KCNK2: variants seen among roughly 807,000 people sequenced by gnomAD.
KCNK2 encodes the protein potassium two pore domain channel subfamily K member 2, also known as potassium channel subfamily K member 2.
In KCNK2, 21 loss-of-function variants were observed where a neutral mutation model predicts 40.5. The ratio of observed to expected loss-of-function variants is 0.52; its 90% CI spans 0.37 to 0.75. The LOEUF (loss-of-function observed/expected upper bound fraction) is 0.75, where lower values mean the gene tolerates loss of function less well. Ranked by LOEUF, KCNK2 falls within the 30% of genes least tolerant of loss-of-function variation. The pLI, the probability that KCNK2 is intolerant of heterozygous loss-of-function variation, is 0.00. For synonymous variants in KCNK2, 191 were observed against 202.2 expected (o/e 0.94, Z 0.47); for missense variants, 399 against 531.6 (o/e 0.75, Z 2.45).
At chr1:215,152,982 A>C (rs1198063517) in intron 3 of KCNK2, among the ~76,000 whole-genome samples, 1 of 152,174 alleles carries the variant, frequency 6.6e-6, no homozygotes, top group Non-Finnish European at 1.5e-5. Context: ...TGGCTAAGAG[A>C]TTCAAGATTT....
At position 215,236,022 on chromosome 1, in the gene KCNK2, C is replaced by T. The variant is rs1666867421; in HGVS notation, c.*877C>T. The T allele has an allele frequency of 7.8e-6, 1 of 128,646 alleles. No homozygotes were observed. Among genetic ancestry groups the T allele is most frequent in the South Asian group, 2.4e-4 (1 of 4,254 alleles). 8.0% of individuals were successfully genotyped at this position (128,646 alleles called of 1,614,324 possible). Reference sequence around the variant, plus strand: ...AATTTATCATTTATTAATAACTATACATTTTTAAAGGCAGAAGAAGAAAAT... The same window carrying T: ...AATTTATCATTTATTAATAACTATATATTTTTAAAGGCAGAAGAAGAAAAT... On this transcript the variant is annotated 3_prime_UTR_variant, in exon 7 of 7. Coordinates refer to ENST00000444842, the MANE Select transcript of KCNK2 (RefSeq NM_001017425.3).
intron 2 of KCNK2, among the ~76,000 whole-genome samples, chr1:215,102,976 T>C (rs2102552908): frequency 6.6e-6 from 1 of 152,090 alleles, no homozygotes. Flanking sequence ...TGCAGTGGCC[T>C]GTTAGAGGGA....
chr1:215,047,692 A>G (rs1277115224), intron 1 of KCNK2, among the ~76,000 whole-genome samples: 2 of 152,158 alleles, frequency 1.3e-5, no homozygotes, highest in Non-Finnish European at 1.5e-5. Flanking sequence ...TACTTTTTAC[A>G]TGTTAGAGTA....
At chr1:215,036,068 G>A (rs2102489175) in intron 1 of KCNK2, among the ~76,000 whole-genome samples, 1 of 150,280 alleles carries the variant, frequency 6.7e-6, no homozygotes, top group Non-Finnish European at 1.5e-5. Flanking sequence ...TTTATGGTTA[G>A]TGCTCTCTGT....
At chr1:215,212,591 A>G (rs910853635) in intron 6 of KCNK2, among the ~76,000 whole-genome samples, 1 of 152,184 alleles carries the variant, frequency 6.6e-6, no homozygotes, top group Non-Finnish European at 1.5e-5. Context: ...TTAATTCACT[A>G]TGGTTCTCTA....
At chr1:215,129,815 A>G (rs1192653060) in intron 3 of KCNK2, among the ~76,000 whole-genome samples, 3 of 152,222 alleles carry the variant, frequency 2.0e-5, no homozygotes, top group Admixed American at 1.3e-4. Context: ...AGATTTAAGC[A>G]AAAGACAAAC....
chr1:215,045,472 G>A (rs1657735001), intron 1 of KCNK2, among the ~76,000 whole-genome samples: 1 of 152,158 alleles, frequency 6.6e-6, no homozygotes. Flanking sequence ...AAAGAGAACT[G>A]TAATCCTGCT....
chr1:215,164,909 G>A (rs1663374425), intron 3 of KCNK2, among the ~76,000 whole-genome samples: 1 of 152,112 alleles, frequency 6.6e-6, no homozygotes, highest in Non-Finnish European at 1.5e-5. Context: ...AGAGTGCCTG[G>A]CAAATAGTAG....
chr1:215,009,156 T>C (rs1295563495), intron 1 of KCNK2, among the ~76,000 whole-genome samples: 1 of 152,198 alleles, frequency 6.6e-6, no homozygotes, highest in East Asian at 1.9e-4. Context: ...AGTAGCTTTC[T>C]ATGGTGTCTG....
chr1:215,190,625 C>T (rs554248649), intron 5 of KCNK2, among the ~76,000 whole-genome samples: 1 of 152,282 alleles, frequency 6.6e-6, no homozygotes, highest in African/African-American at 2.4e-5. Context: ...GGAGCCCATA[C>T]AAACTGGTCT....
chr1:215,120,468 A>C (rs1558100062), intron 2 of KCNK2, among the ~76,000 whole-genome samples: 2 of 152,214 alleles, frequency 1.3e-5, no homozygotes, highest in Admixed American at 6.5e-5. Flanking sequence ...AAATGTACGT[A>C]AAATCTAAAA....
At chr1:215,007,185 G>GTATATATATATATATATATATA (rs1162302568) in intron 1 of KCNK2, among the ~76,000 whole-genome samples, 1 of 31,028 alleles carries the variant, frequency 3.2e-5, no homozygotes, top group Non-Finnish European at 6.0e-5. Context: ...ATGTGTGTGG[G>GTATATATATATATATATATATA]TATATATATA....
chr1:215,007,099 G>GTA (rs1248624200), intron 1 of KCNK2, among the ~76,000 whole-genome samples: 1 of 104,242 alleles, frequency 9.6e-6, no homozygotes, highest in Non-Finnish European at 2.0e-5. Context: ...ATATATATAT[G>GTA]TATATATATG....
intron 1 of KCNK2, among the ~76,000 whole-genome samples, chr1:215,015,834 A>C (rs537881041): frequency 3.3e-5 from 5 of 152,292 alleles, no homozygotes; most frequent in Non-Finnish European, 5.9e-5. Flanking sequence ...TACTGAGCAA[A>C]CATAAAATTG....
At chr1:215,046,703 A>G (rs1336469022) in intron 1 of KCNK2, among the ~76,000 whole-genome samples, 3 of 152,146 alleles carry the variant, frequency 2.0e-5, no homozygotes, top group Admixed American at 6.5e-5. Context: ...TTAGAAAAAC[A>G]GAAATAACAT....
At chr1:215,199,494 T>C (rs779870433) in intron 6 of KCNK2, among the ~76,000 whole-genome samples, 37 of 152,310 alleles carry the variant, frequency 2.4e-4, no homozygotes, top group Middle Eastern at 3.4e-3. Context: ...GTGCCACATA[T>C]AATTATAGTT....
chr1:215,184,323 T>C (rs1275946550), intron 5 of KCNK2, among the ~76,000 whole-genome samples: 4 of 152,184 alleles, frequency 2.6e-5, no homozygotes, highest in Admixed American at 6.5e-5. Context: ...AATATACTTG[T>C]GATGCATTAA....
intron 2 of KCNK2, among the ~76,000 whole-genome samples, chr1:215,098,308 C>G (rs1408154689): frequency 6.6e-6 from 1 of 151,816 alleles, no homozygotes; most frequent in African/African-American, 2.4e-5. Flanking sequence ...GTGATATTGG[C>G]ATTGTTTAAT....
At chr1:215,025,709 A>G (rs1429261286) in intron 1 of KCNK2, among the ~76,000 whole-genome samples, 1 of 152,018 alleles carries the variant, frequency 6.6e-6, no homozygotes, top group Non-Finnish European at 1.5e-5. Context: ...TTGGAAATCC[A>G]TTAGGTCTGA....
Sources: allele counts gnomAD v4.1 joint callset (sites outside exome capture counted in the v4.1 genomes callset), GRCh38; gene constraint gnomAD v4.1.1; transcripts MANE v1.5; gene names NCBI Gene and HGNC (gene_info 2026-07-23, HGNC 2026-07-21).